The following KLF12 variants were observed in gnomAD, a reference collection of about 807,000 sequenced individuals.
KLF12 encodes KLF transcription factor 12.
In KLF12, 9 loss-of-function variants were observed where a neutral mutation model predicts 37.8. The observed-to-expected ratio is 0.24, with a 90% CI of 0.14 to 0.42. The LOEUF is 0.42. KLF12 is among the 10% of genes least tolerant of loss of function. The pLI, the probability that KLF12 is intolerant of heterozygous loss-of-function variation, is 1.00. For missense variants in KLF12, 411 were observed against 516.0 expected, an observed-to-expected ratio of 0.80 and a Z score of 1.97; for synonymous variants, 208 against 202.1, an observed-to-expected ratio of 1.03 and a Z score of -0.25.
chr13:74,081,566 A>G (rs1481363870), intron 1 of KLF12, among the ~76,000 whole-genome samples: 1 of 152,176 alleles, frequency 6.6e-6, no homozygotes, highest in Non-Finnish European at 1.5e-5. Context: ...CAACTTAACC[A>G]TTCACTCAAC....
the KLF12 span, among the ~76,000 whole-genome samples, chr13:74,164,388 T>G: frequency 6.6e-6 from 1 of 152,218 alleles, no homozygotes; most frequent in Non-Finnish European, 1.5e-5. Flanking sequence ...ATTAGTCATA[T>G]TTTAATTTTC....
intron 1 of KLF12, among the ~76,000 whole-genome samples, chr13:74,033,095 G>T (rs911009343): frequency 6.5e-4 from 99 of 152,018 alleles, no homozygotes; most frequent in Non-Finnish European, 1.9e-4. Context: ...GACATGTACT[G>T]TATACAAATT....
the KLF12 span, among the ~76,000 whole-genome samples, chr13:74,164,324 A>G: frequency 1.1e-3 from 169 of 152,288 alleles, no homozygotes; most frequent in African/African-American, 3.9e-3. Flanking sequence ...GTCAATATGG[A>G]AATTTTATTT....
At chr13:74,272,436 C>T in the KLF12 span, among the ~76,000 whole-genome samples, 1 of 152,094 alleles carries the variant, frequency 6.6e-6, no homozygotes, top group Admixed American at 6.6e-5. Flanking sequence ...ACCCGCAGTG[C>T]TACTGAGTCA....
In KLF12 at chr13:73,901,578, T is replaced by TA. The variant is rs563482994; in HGVS notation, c.123+42402dup. ...TATAAATGATTGTGGTCCTTCATTC[T>TA]AAAAAAAAAAATCCCCAAAATGGAG... is the stretch of plus-strand genomic sequence containing the variant. On this transcript the variant is annotated intron_variant, in intron 3 of 7. Coordinates refer to ENST00000377669, the MANE Select transcript of KLF12 (RefSeq NM_007249.5). 1.5e-3 allele frequency among the ~76,000 whole-genome samples: 228 copies of TA among 147,576 alleles called. 1 individual carries two copies. The highest frequency in any genetic ancestry group is 4.3e-3 in the African/African-American group (172 of 40,464).
At chr13:74,161,154 G>T in the KLF12 span, among the ~76,000 whole-genome samples, 4,545 of 151,770 alleles carry the variant, frequency 0.03, 230 homozygotes, top group African/African-American at 0.1. Context: ...ATTTGAGAAA[G>T]GTGGTTTAGT....
intron 7 of KLF12, among the ~76,000 whole-genome samples, chr13:73,697,340 C>T (rs567112414): frequency 1.1e-4 from 16 of 152,112 alleles, no homozygotes; most frequent in Non-Finnish European, 2.2e-4. Context: ...CTAATTGTGG[C>T]CCCAGGTTGC....
intron 2 of KLF12, among the ~76,000 whole-genome samples, chr13:73,974,505 A>G (rs2138132164): frequency 6.6e-6 from 1 of 152,314 alleles, no homozygotes; most frequent in Admixed American, 6.5e-5. Flanking sequence ...ATAAAAGAAA[A>G]TATATTTAAA....
intron 3 of KLF12, among the ~76,000 whole-genome samples, chr13:73,849,798 T>G (rs1885235028): frequency 6.6e-6 from 1 of 152,078 alleles, no homozygotes; most frequent in Admixed American, 6.5e-5. Flanking sequence ...CTAAGTGGGG[T>G]TTTTTTGTTT....
intron 6 of KLF12, among the ~76,000 whole-genome samples, chr13:73,727,726 C>G (rs1305825246): frequency 6.7e-6 from 1 of 149,874 alleles, no homozygotes; most frequent in Non-Finnish European, 1.5e-5. Flanking sequence ...GAGATGGAGT[C>G]TCACTCTGTG....
intron 5 of KLF12, among the ~76,000 whole-genome samples, chr13:73,810,149 G>C (rs1882849867): frequency 6.6e-6 from 1 of 152,022 alleles, no homozygotes; most frequent in Non-Finnish European, 1.5e-5. Context: ...GGAGGCTGAG[G>C]CAGGAGAATC....
chr13:74,136,270 G>A (rs1466479382), upstream of KLF12, among the ~76,000 whole-genome samples: 1 of 152,158 alleles, frequency 6.6e-6, no homozygotes, highest in Non-Finnish European at 1.5e-5. Flanking sequence ...TCTCTGTTCC[G>A]GGGAATGCAG....
At chr13:73,939,099 C>T (rs1036804189) in intron 3 of KLF12, among the ~76,000 whole-genome samples, 1 of 152,142 alleles carries the variant, frequency 6.6e-6, no homozygotes, top group Non-Finnish European at 1.5e-5. Context: ...CCTGGTTCTA[C>T]AGGAGAGAAG....
chr13:74,098,078 C>T (rs2875672), intron 1 of KLF12, among the ~76,000 whole-genome samples: 17,999 of 152,132 alleles, frequency 0.12, 1,261 homozygotes, highest in Non-Finnish European at 0.17. Flanking sequence ...TTTCCATATG[C>T]TGACCCTTCT....
chr13:74,028,492 C>T lies in KLF12; in HGVS notation c.-31-33439G>A, dbSNP rs576243656. Among the ~76,000 whole-genome samples, 12 of 152,204 alleles carry T rather than the reference C, an allele frequency of 7.9e-5. No individual in the cohort carries two copies. The South Asian group carries it at 1.9e-3, about 24-fold the overall frequency. On this transcript the variant is annotated intron_variant, in intron 1 of 7. Coordinates refer to ENST00000377669, the MANE Select transcript of KLF12 (RefSeq NM_007249.5). ...GAAATATTTAGCTTAATTTGTATTA[C>T]TGTCATAATTTCATAACGTTTTTCT...
At chr13:73,915,327 G>A (rs1888765842) in intron 3 of KLF12, among the ~76,000 whole-genome samples, 1 of 152,122 alleles carries the variant, frequency 6.6e-6, no homozygotes, top group Non-Finnish European at 1.5e-5. Flanking sequence ...AAGGTGACAT[G>A]CACAGGTTCC....
chr13:74,122,505 T>C (rs1326431138), intron 1 of KLF12, among the ~76,000 whole-genome samples: 2 of 152,118 alleles, frequency 1.3e-5, no homozygotes, highest in Non-Finnish European at 2.9e-5. Context: ...GCAACATTTA[T>C]GAAAATTGAT....
At chr13:73,999,583 A>AAG (rs1442385528) in intron 1 of KLF12, among the ~76,000 whole-genome samples, 1 of 150,952 alleles carries the variant, frequency 6.6e-6, no homozygotes, top group East Asian at 1.9e-4. Context: ...AATACAAAAA[A>AAG]AAAAAAATTA....
intron 2 of KLF12, among the ~76,000 whole-genome samples, chr13:73,954,989 C>G (rs945924392): frequency 6.6e-5 from 10 of 152,278 alleles, no homozygotes; most frequent in Middle Eastern, 3.4e-3. Flanking sequence ...GCCTGATGAT[C>G]AGACTTCCTG....
Sources: gnomAD v4.1 joint callset for allele counts (sites outside exome capture counted in the v4.1 genomes callset) on GRCh38, gnomAD v4.1.1 for gene constraint, MANE v1.5 for transcripts, NCBI Gene and HGNC (gene_info 2026-07-23, HGNC 2026-07-21) for gene names.